SGPP1: variants seen among roughly 807,000 people sequenced by gnomAD.
The protein encoded by SGPP1 is sphingosine-1-phosphate phosphatase 1.
Under a neutral mutation model 33.0 loss-of-function variants are expected in SGPP1, and 21 were observed. The observed-to-expected ratio is 0.64, with a 90% confidence interval of 0.45 to 0.92. The LOEUF is 0.92. Ranked by LOEUF, SGPP1 falls within the 40% of genes least tolerant of loss-of-function variation. The probability of loss-of-function intolerance (pLI) is 0.00; values close to 1 mark genes in which losing one functional copy is unlikely to be tolerated. For synonymous variants in SGPP1, 239 were observed against 241.2 expected (o/e 0.99, Z 0.08); for missense variants, 543 against 589.4 (o/e 0.92, Z 0.81).
chr14:63,690,224 T>C (rs1885063454), intron 2 of SGPP1, among the ~76,000 whole-genome samples: 2 of 152,150 alleles, frequency 1.3e-5, no homozygotes. Flanking sequence ...TTTGTATTTT[T>C]TGTAGACAAG....
intron 1 of SGPP1, among the ~76,000 whole-genome samples, chr14:63,723,536 T>C (rs1247762832): frequency 6.6e-6 from 1 of 151,942 alleles, no homozygotes; most frequent in African/African-American, 2.4e-5. Context: ...CTGGCCAACA[T>C]GGTGAAACCC....
chr14:63,690,552 T>A (rs1173398811), intron 2 of SGPP1, among the ~76,000 whole-genome samples: 1 of 152,176 alleles, frequency 6.6e-6, no homozygotes. Context: ...TAGACTATGT[T>A]TTGTTCAACC....
At chr14:63,719,687 TTAGA>T (rs778153620) in intron 1 of SGPP1, among the ~76,000 whole-genome samples, 112 of 151,766 alleles carry the variant, frequency 7.4e-4, no homozygotes, top group Non-Finnish European at 1.2e-3. Context: ...GTGAAAAAAA[TTAGA>T]TAGCATTTTC....
chr14:63,712,118 T>A (rs1480464912), intron 1 of SGPP1, among the ~76,000 whole-genome samples: 4 of 151,286 alleles, frequency 2.6e-5, no homozygotes, highest in African/African-American at 7.3e-5. Flanking sequence ...ATAAAAAGAA[T>A]AAACTCCACA....
At chr14:63,710,627 C>T (rs1370561276) in intron 1 of SGPP1, among the ~76,000 whole-genome samples, 5 of 152,104 alleles carry the variant, frequency 3.3e-5, no homozygotes, top group Admixed American at 6.6e-5. Flanking sequence ...TCTATATTTC[C>T]GCTTCATTTT....
chr14:63,719,792 A>T (rs575694408), intron 1 of SGPP1, among the ~76,000 whole-genome samples: 1 of 151,634 alleles, frequency 6.6e-6, no homozygotes, highest in Non-Finnish European at 1.5e-5. Context: ...ATAGACACAT[A>T]ATTAGTATTC....
chr14:63,686,208 T>G lies in SGPP1; in HGVS notation c.1223A>C (p.His408Pro). The G allele has an allele frequency of 6.2e-7, 1 of 1,614,130 alleles. No individual in the cohort carries two copies. The highest frequency in any genetic ancestry group is 8.5e-7 in the Non-Finnish European group (1 of 1,179,972). ...CCGATAAGGAAGTTCAACTTCCATG[T>G]GCTGTCTTGCTTTTCGAATATCATC... is the stretch of plus-strand genomic sequence containing the variant. ...PCDDIRKARQ[H>P]MEVELPYRYI... is the part of the protein sequence containing the mutation. Residue 408 changes from histidine to proline, a missense_variant, in exon 3 of 3, where the codon CAC (histidine) becomes CCC (proline). By Grantham distance (77) the His-to-Pro change is moderately conservative. Coordinates refer to ENST00000247225, the MANE Select transcript of SGPP1 (RefSeq NM_030791.4).
intron 2 of SGPP1, among the ~76,000 whole-genome samples, chr14:63,688,919 C>T (rs536850431): frequency 6.4e-4 from 97 of 152,156 alleles, no homozygotes; most frequent in Non-Finnish European, 9.9e-4. Context: ...GACGGGGTTT[C>T]ACCGTGTTAG....
chr14:63,702,353 CT>C (rs1164547679), intron 1 of SGPP1, among the ~76,000 whole-genome samples: 1 of 151,998 alleles, frequency 6.6e-6, no homozygotes, highest in African/African-American at 2.4e-5. Flanking sequence ...TATTGACCGA[CT>C]TTTTTTGGTC....
intron 1 of SGPP1, among the ~76,000 whole-genome samples, chr14:63,723,040 A>G (rs1457441165): frequency 6.6e-6 from 1 of 152,130 alleles, no homozygotes; most frequent in Non-Finnish European, 1.5e-5. Flanking sequence ...AACTGATTAC[A>G]TTCCATATTA....
At chr14:63,721,912 C>G (rs1030194367) in intron 1 of SGPP1, among the ~76,000 whole-genome samples, 6 of 152,160 alleles carry the variant, frequency 3.9e-5, no homozygotes, top group Non-Finnish European at 8.8e-5. Context: ...ATTATCTTCT[C>G]AAGGTATATA....
At chr14:63,719,495 C>A (rs1566537027) in intron 1 of SGPP1, among the ~76,000 whole-genome samples, 1 of 151,798 alleles carries the variant, frequency 6.6e-6, no homozygotes, top group African/African-American at 2.4e-5. Context: ...TGCCTATATT[C>A]TTTGACATAG....
chr14:63,707,547 T>G (rs1885441061), intron 1 of SGPP1, among the ~76,000 whole-genome samples: 2 of 151,926 alleles, frequency 1.3e-5, no homozygotes, highest in South Asian at 4.2e-4. Context: ...TTTTTTTTTT[T>G]TTTTTGAGAT....
At chr14:63,688,172 C>T (rs1036045009) in intron 2 of SGPP1, among the ~76,000 whole-genome samples, 2 of 150,346 alleles carry the variant, frequency 1.3e-5, no homozygotes, top group Non-Finnish European at 3.0e-5. Flanking sequence ...AAAAATTAGC[C>T]GGGCATGGTG....
At chr14:63,693,917 G>GT (rs756664695) in intron 2 of SGPP1, among the ~76,000 whole-genome samples, 1 of 152,120 alleles carries the variant, frequency 6.6e-6, no homozygotes, top group African/African-American at 2.4e-5. Flanking sequence ...TTTAAATTAT[G>GT]TATTTTTTCA....
intron 2 of SGPP1, among the ~76,000 whole-genome samples, chr14:63,689,683 C>A (rs1458015609): frequency 6.6e-6 from 1 of 151,870 alleles, no homozygotes; most frequent in Non-Finnish European, 1.5e-5. Context: ...GTAATCCCAG[C>A]TGCTCTGGAA....
chr14:63,707,399 G>A (rs1430625804), intron 1 of SGPP1, among the ~76,000 whole-genome samples: 1 of 152,116 alleles, frequency 6.6e-6, no homozygotes, highest in Non-Finnish European at 1.5e-5. Context: ...GTTATAGCTT[G>A]TAACACGTCA....
rs1179869367 is a variant in SGPP1, at chr14:63,685,159, AT to A, written c.*945del. 1 of 152,326 alleles carries A rather than the reference AT, an allele frequency of 6.6e-6. No homozygotes were observed. The highest frequency in any genetic ancestry group is 1.5e-5 in the Non-Finnish European group (1 of 67,934). 9.4% of individuals were successfully genotyped at this position (152,326 alleles called of 1,614,324 possible). ...ATTTATCCATTTAGCTTTCTAATAAATTGGTGAGAAAGTTTAGCCCATTCCA... is the reference window on the plus strand; with the variant it reads ...ATTTATCCATTTAGCTTTCTAATAAATGGTGAGAAAGTTTAGCCCATTCCA... On this transcript the variant is annotated 3_prime_UTR_variant, in exon 3 of 3. Transcript: ENST00000247225.
intron 1 of SGPP1, among the ~76,000 whole-genome samples, chr14:63,725,763 G>A (rs1435499981): frequency 6.6e-6 from 1 of 152,040 alleles, no homozygotes; most frequent in Non-Finnish European, 1.5e-5. Flanking sequence ...CTCTTACTTT[G>A]ACTGCTAATA....
Sources: allele counts gnomAD v4.1 joint callset (sites outside exome capture counted in the v4.1 genomes callset), GRCh38; gene constraint gnomAD v4.1.1; transcripts MANE v1.5; gene names NCBI Gene and HGNC (gene_info 2026-07-23, HGNC 2026-07-21).